The following DCLK2 variants were observed in gnomAD, a reference collection of about 807,000 sequenced individuals.
DCLK2 encodes doublecortin like kinase 2.
DCLK2 carries 31 observed loss-of-function variants against 78.4 expected under a neutral mutation model. That is an observed-to-expected ratio of 0.40 (90% CI 0.30 to 0.53). The LOEUF (loss-of-function observed/expected upper bound fraction) is 0.53, where lower values mean the gene tolerates loss of function less well. Ranked by LOEUF, DCLK2 falls within the 20% of genes least tolerant of loss-of-function variation. The pLI, the probability that DCLK2 is intolerant of heterozygous loss-of-function variation, is 0.61. For missense variants in DCLK2, 872 were observed against 973.7 expected, an observed-to-expected ratio of 0.90 and a Z score of 1.39; for synonymous variants, 407 against 374.9, an observed-to-expected ratio of 1.09 and a Z score of -0.99.
chr4:150,247,592 C>G lies in DCLK2; in HGVS notation c.1779-11C>G, dbSNP rs201993001. 3.7e-6 allele frequency: 6 copies of G among 1,611,358 alleles called. No individual in the cohort carries two copies. Among genetic ancestry groups the G allele is most frequent in the South Asian group, 2.2e-5 (2 of 90,574 alleles). ...TTTGACTTTTCTTCCATTTCTTTGT[C>G]ACTGGCTTAGTGAGAACAATCTCCA... On this transcript the variant is annotated splice_polypyrimidine_tract_variant and intron_variant, in intron 12 of 15. Transcript: ENST00000296550.
intron 2 of DCLK2, among the ~76,000 whole-genome samples, chr4:150,108,159 T>C (rs1473536826): frequency 6.6e-6 from 1 of 152,180 alleles, no homozygotes; most frequent in East Asian, 1.9e-4. Context: ...TAAAGTAATT[T>C]TATTTTAACT....
At chr4:150,240,353 T>C (rs1484891007) in intron 11 of DCLK2, 46 bp from the exon 12 acceptor site, 1 of 1,552,328 alleles carries the variant, frequency 6.4e-7, no homozygotes, top group Non-Finnish European at 8.9e-7. Context: ...TGGAAGGGTC[T>C]TGGGAGCCAT....
chr4:150,198,299 T>G (rs1739209255), intron 4 of DCLK2, among the ~76,000 whole-genome samples, 196 bp downstream of exon 4: 1 of 152,218 alleles, frequency 6.6e-6, no homozygotes, highest in Non-Finnish European at 1.5e-5. Context: ...AAGAGACTTG[T>G]GTGGTTTTGT....
At chr4:150,127,839 G>GTTT (rs1170569360) in intron 2 of DCLK2, among the ~76,000 whole-genome samples, 2 of 152,176 alleles carry the variant, frequency 1.3e-5, no homozygotes, top group Non-Finnish European at 2.9e-5. Flanking sequence ...TTATTGCCCA[G>GTTT]TATAAGAGCA....
chr4:150,109,102 C>T (rs1443558513), intron 2 of DCLK2, among the ~76,000 whole-genome samples: 1 of 152,108 alleles, frequency 6.6e-6, no homozygotes, highest in Non-Finnish European at 1.5e-5. Context: ...TTATTTTGTA[C>T]TTTACCTTTC....
intron 2 of DCLK2, among the ~76,000 whole-genome samples, chr4:150,165,987 G>T (rs1196908405): frequency 1.3e-5 from 2 of 152,090 alleles, no homozygotes; most frequent in Admixed American, 1.3e-4. Flanking sequence ...TCAACTGTGG[G>T]ATGACCATCT....
At position 150,220,749 on chromosome 4, in the gene DCLK2, C is replaced by G. The variant is rs1372371449; in HGVS notation, c.1103C>G (p.Pro368Arg). 3.1e-6 allele frequency: 5 copies of G among 1,613,818 alleles called. No individual in the cohort carries two copies. In the African/African-American group the frequency reaches 6.7e-5, roughly 22 times the overall value. The change falls in exon 6 of 16, where the codon CCT becomes CGT. Residue 368 changes from proline to arginine, a missense_variant. Around this residue, in one of 3 missense-constraint regions of DCLK2, gnomAD observed 567 missense variants for 593.4 expected, o/e 0.96. Transcript: ENST00000296550. ...TCTTCTTCCAATGTAAACGGTGGAC[C>G]TGAGCTTGACCGTTGCATAAGTCCT... ...GRSSSNVNGGPELDRCISPEG... is the reference protein window; with the variant it reads ...GRSSSNVNGGRELDRCISPEG...
chr4:150,107,955 A>T (rs1731391101), intron 2 of DCLK2, among the ~76,000 whole-genome samples: 1 of 152,240 alleles, frequency 6.6e-6, no homozygotes, highest in South Asian at 2.1e-4. Context: ...TTGGGGACAG[A>T]GTGAGATCCT....
At chr4:150,168,166 A>G (rs1247594397) in intron 2 of DCLK2, among the ~76,000 whole-genome samples, 1 of 152,050 alleles carries the variant, frequency 6.6e-6, no homozygotes, top group African/African-American at 2.4e-5. Context: ...ACACAGTGAA[A>G]CCCCGTCTCT....
At chr4:150,240,277 T>G (rs888171169) in intron 11 of DCLK2, 122 bp from the exon 12 acceptor site, 1 of 823,986 alleles carries the variant, frequency 1.2e-6, no homozygotes, top group African/African-American at 1.7e-5. Flanking sequence ...CTATGTGAAA[T>G]GAAATGAATA....
rs191825929 is a variant in DCLK2 at position 150,184,896 on chromosome 4, C to T, written c.757-8242C>T. On this transcript the variant is annotated intron_variant, in intron 2 of 15. Coordinates refer to ENST00000296550, the MANE Select transcript of DCLK2 (RefSeq NM_001040260.4). ...GATTACAGGCGTGAGCCTCCGTGCCCGGCCAGTCTTATGTTTCTTACTCTT... is the reference window on the plus strand; with the variant it reads ...GATTACAGGCGTGAGCCTCCGTGCCTGGCCAGTCTTATGTTTCTTACTCTT... 2.9e-3 allele frequency among the ~76,000 whole-genome samples: 439 copies of T among 152,240 alleles called. 3 individuals carry two copies. Among genetic ancestry groups the T allele is most frequent in the African/African-American group, 9.9e-3 (410 of 41,532 alleles).
intron 2 of DCLK2, among the ~76,000 whole-genome samples, chr4:150,121,660 T>C (rs940883042): frequency 2.0e-5 from 3 of 152,264 alleles, no homozygotes. Flanking sequence ...ATGTTCTTCA[T>C]GGTATCTAGA....
chr4:150,225,213 C>T (rs1741510431), intron 8 of DCLK2, among the ~76,000 whole-genome samples: 1 of 152,198 alleles, frequency 6.6e-6, no homozygotes, highest in South Asian at 2.1e-4. Flanking sequence ...GTAAGGGAGA[C>T]TCATCTTTGT....
At chr4:150,081,451 C>T (rs1170433594) in intron 1 of DCLK2, among the ~76,000 whole-genome samples, 2 of 152,134 alleles carry the variant, frequency 1.3e-5, no homozygotes, top group African/African-American at 4.8e-5. Context: ...TTGGAAAAAA[C>T]ATTATCTATG....
intron 14 of DCLK2, among the ~76,000 whole-genome samples, chr4:150,248,799 C>G (rs1438229869): frequency 6.6e-6 from 1 of 152,082 alleles, no homozygotes; most frequent in East Asian, 1.9e-4. Context: ...AGACCTCTTG[C>G]TGTTGATGGG....
At chr4:150,110,148 A>G (rs1731562704) in intron 2 of DCLK2, among the ~76,000 whole-genome samples, 1 of 152,212 alleles carries the variant, frequency 6.6e-6, no homozygotes, top group Non-Finnish European at 1.5e-5. Context: ...TTAGCTTCCA[A>G]CAAATTATGC....
At chr4:150,087,511 G>A (rs948410712) in intron 1 of DCLK2, among the ~76,000 whole-genome samples, 3 of 152,156 alleles carry the variant, frequency 2.0e-5, no homozygotes, top group East Asian at 1.9e-4. Flanking sequence ...GAAAAGGCAC[G>A]CAAATTTATT....
chr4:150,101,011 G>T (rs985370917), intron 1 of DCLK2, among the ~76,000 whole-genome samples: 27 of 152,126 alleles, frequency 1.8e-4, no homozygotes, highest in African/African-American at 6.0e-4. Context: ...CCAGCACTTT[G>T]GGAGGTCAAG....
chr4:150,243,126 T>TA (rs1180710287), intron 12 of DCLK2, among the ~76,000 whole-genome samples: 1 of 152,144 alleles, frequency 6.6e-6, no homozygotes, highest in Non-Finnish European at 1.5e-5. Flanking sequence ...TTTTACTTTT[T>TA]AAAAAAAGTG....
Sources: allele counts gnomAD v4.1 joint callset (sites outside exome capture counted in the v4.1 genomes callset), GRCh38; gene constraint gnomAD v4.1.1; regional missense constraint gnomAD v4.1.1; transcripts MANE v1.5; gene names NCBI Gene and HGNC (gene_info 2026-07-23, HGNC 2026-07-21).